Variants in PKIB observed in about 807,000 individuals in gnomAD.
PKIB encodes PKI-beta.
PKIB carries 2 observed loss-of-function variants against 4.5 expected under a neutral mutation model. That is an observed-to-expected ratio of 0.44 (90% CI 0.18 to 1.39). The LOEUF (loss-of-function observed/expected upper bound fraction) is 1.39, where lower values mean the gene tolerates loss of function less well. Ranked by LOEUF, PKIB falls within the 40% of genes most tolerant of loss-of-function variation. PKIB has a pLI of 0.27. For synonymous variants in PKIB, 38 were observed against 36.0 expected, an observed-to-expected ratio of 1.06 and a Z score of -0.20; for missense variants, 94 against 92.6, an observed-to-expected ratio of 1.02 and a Z score of -0.06.
At chr6:122,539,474 T>C (rs1156816595) in intron 2 of PKIB, among the ~76,000 whole-genome samples, 1 of 152,138 alleles carries the variant, frequency 6.6e-6, no homozygotes, top group Non-Finnish European at 1.5e-5. Context: ...GTTTATATGC[T>C]GGATTATGTT....
rs561686435 is a variant in PKIB at position 122,725,408 on chromosome 6, G to A, written c.*213G>A. 53 of 518,516 alleles carry A rather than the reference G, an allele frequency of 1.0e-4. No individual in the cohort carries two copies. The highest frequency in any genetic ancestry group is 3.1e-4 in the Middle Eastern group (1 of 3,236). The allele number at this position is 518,516 out of a possible 1,614,324, so 32.1% of individuals were successfully genotyped here. A position where few individuals can be genotyped will look rare whatever the true frequency, so the allele number is the denominator to read the frequency against. On this transcript the variant is annotated 3_prime_UTR_variant, in exon 5 of 5. Coordinates refer to ENST00000368452, the MANE Select transcript of PKIB (RefSeq NM_181795.3). The stretch of plus-strand genomic sequence containing the variant: ...TTAAAAGGCAGGTTACTTCCAAATC[G>A]CACTGAAGGAAAAGGTTAAGAATAA...
chr6:122,625,594 C>T (rs1369734239), intron 1 of PKIB, among the ~76,000 whole-genome samples: 1 of 152,044 alleles, frequency 6.6e-6, no homozygotes, highest in South Asian at 2.1e-4. Flanking sequence ...GCTGAGATTG[C>T]CCCACTGCAC....
intron 2 of PKIB, among the ~76,000 whole-genome samples, chr6:122,577,120 A>G (rs985499358): frequency 6.6e-6 from 1 of 152,194 alleles, no homozygotes; most frequent in African/African-American, 2.4e-5. Flanking sequence ...AACATTATAT[A>G]TGGGGCTATA....
intron 3 of PKIB, among the ~76,000 whole-genome samples, chr6:122,714,959 T>A (rs1290034760): frequency 6.6e-6 from 1 of 151,930 alleles, no homozygotes; most frequent in Non-Finnish European, 1.5e-5. Context: ...TATTTTTTTT[T>A]ATTTTTTAGT....
intron 2 of PKIB, among the ~76,000 whole-genome samples, chr6:122,500,841 A>G (rs971510416): frequency 6.6e-6 from 1 of 152,208 alleles, no homozygotes; most frequent in Non-Finnish European, 1.5e-5. Flanking sequence ...CAATCATGGC[A>G]GAAGGTGAAG....
At chr6:122,502,893 G>T (rs1776284766) in intron 2 of PKIB, among the ~76,000 whole-genome samples, 2 of 152,100 alleles carry the variant, frequency 1.3e-5, no homozygotes, top group South Asian at 2.1e-4. Context: ...GTCTTAGTTA[G>T]CTTAGGCTGC....
chr6:122,613,308 A>G (rs1294894916), intron 1 of PKIB, among the ~76,000 whole-genome samples: 1 of 152,230 alleles, frequency 6.6e-6, no homozygotes, highest in Non-Finnish European at 1.5e-5. Context: ...TCAAAAATAA[A>G]CTATACGTCT....
intron 2 of PKIB, among the ~76,000 whole-genome samples, chr6:122,552,203 G>A (rs113829393): frequency 2.6e-5 from 4 of 152,180 alleles, no homozygotes; most frequent in African/African-American, 9.6e-5. Context: ...GTTCCAATGT[G>A]TTCCTTTCGT....
At chr6:122,473,584 C>T (rs1046189179) in intron 1 of PKIB, among the ~76,000 whole-genome samples, 4 of 152,122 alleles carry the variant, frequency 2.6e-5, no homozygotes, top group Admixed American at 6.5e-5. Context: ...TAATTGGACA[C>T]GACAGTATAT....
intron 3 of PKIB, among the ~76,000 whole-genome samples, chr6:122,689,422 T>G (rs954048939): frequency 3.9e-5 from 6 of 152,172 alleles, no homozygotes; most frequent in African/African-American, 1.4e-4. Context: ...CTCTTAGTAC[T>G]GTTTTTGTGA....
chr6:122,556,454 T>C (rs1267704173), intron 2 of PKIB, among the ~76,000 whole-genome samples: 1 of 152,174 alleles, frequency 6.6e-6, no homozygotes, highest in Admixed American at 6.5e-5. Flanking sequence ...AACAACAAAC[T>C]TCTTACTTGG....
At chr6:122,481,467 A>T (rs1775606878) in intron 2 of PKIB, 1 of 152,258 alleles carries the variant, frequency 6.6e-6, no homozygotes, top group African/African-American at 2.4e-5. Context: ...AAAGAACATT[A>T]TTGAGACAAT....
chr6:122,721,693 C>T lies in PKIB; in HGVS notation c.170-3435C>T, dbSNP rs1268930576. 2.6e-5 allele frequency among the ~76,000 whole-genome samples: 4 copies of T among 151,758 alleles called. No homozygotes were observed. In the South Asian group the frequency reaches 6.2e-4, roughly 24 times the overall value. ...ACTATTATATCTGATTTATATTAAA[C>T]GTATATTAATGAAAAGCCTAATTTA... On this transcript the variant is annotated intron_variant, in intron 4 of 4. Transcript: ENST00000368452.
chr6:122,682,040 G>A (rs1304677559), intron 3 of PKIB, among the ~76,000 whole-genome samples: 2 of 152,100 alleles, frequency 1.3e-5, no homozygotes, highest in African/African-American at 2.4e-5. Context: ...TACTGCTGTG[G>A]CCCTCTGGGA....
chr6:122,508,104 G>A (rs1345588040), intron 2 of PKIB, among the ~76,000 whole-genome samples: 1 of 152,152 alleles, frequency 6.6e-6, no homozygotes, highest in African/African-American at 2.4e-5. Flanking sequence ...TTTTAAAAAT[G>A]TTTGGAAAGA....
At chr6:122,698,670 G>A (rs540373991) in intron 3 of PKIB, among the ~76,000 whole-genome samples, 1 of 152,316 alleles carries the variant, frequency 6.6e-6, no homozygotes, top group South Asian at 2.1e-4. Flanking sequence ...TGGAGTGCCT[G>A]TTGATTTCAT....
intron 2 of PKIB, among the ~76,000 whole-genome samples, chr6:122,645,466 T>TC (rs1776273455): frequency 6.6e-6 from 1 of 151,728 alleles, no homozygotes; most frequent in African/African-American, 2.4e-5. Context: ...AGATAGGGGG[T>TC]CGGAGTCCAC....
At chr6:122,533,431 G>A (rs1444387648) in intron 2 of PKIB, among the ~76,000 whole-genome samples, 1 of 152,066 alleles carries the variant, frequency 6.6e-6, no homozygotes, top group Admixed American at 6.6e-5. Flanking sequence ...CCACTTGGCC[G>A]ACCACTGTGG....
At chr6:122,493,359 AC>A (rs1329562924) in intron 2 of PKIB, 1 of 152,234 alleles carries the variant, frequency 6.6e-6, no homozygotes, top group East Asian at 1.9e-4. Flanking sequence ...CTTATCAGAC[AC>A]TGAATCTGCT....
Sources: allele counts gnomAD v4.1 joint callset (sites outside exome capture counted in the v4.1 genomes callset), GRCh38; gene constraint gnomAD v4.1.1; transcripts MANE v1.5; gene names NCBI Gene and HGNC (gene_info 2026-07-23, HGNC 2026-07-21).